SOX5: variants seen among roughly 807,000 people sequenced by gnomAD.
The protein encoded by SOX5 is transcription factor SOX-5.
Under a neutral mutation model 92.0 loss-of-function variants are expected in SOX5, and 9 were observed. The observed-to-expected ratio is 0.10, with a 90% CI of 0.06 to 0.17. The LOEUF is 0.17. Ranked by LOEUF, SOX5 falls within the 10% of genes least tolerant of loss-of-function variation. The pLI, the probability that SOX5 is intolerant of heterozygous loss-of-function variation, is 1.00. For missense variants in SOX5, 642 were observed against 944.5 expected (o/e 0.68, Z 4.20); for synonymous variants, 344 against 336.3 (o/e 1.02, Z -0.25).
At chr12:24,079,466 T>A (rs923783664) in intron 4 of SOX5, among the ~76,000 whole-genome samples, 1 of 152,066 alleles carries the variant, frequency 6.6e-6, no homozygotes, top group Non-Finnish European at 1.5e-5. Context: ...TAGTACATTT[T>A]TGCATATTTC....
intron 1 of SOX5, among the ~76,000 whole-genome samples, chr12:24,533,524 G>A (rs905861342): frequency 6.6e-6 from 1 of 152,116 alleles, no homozygotes; most frequent in African/African-American, 2.4e-5. Flanking sequence ...GATAAAGAAG[G>A]TATGTTGTTT....
intron 3 of SOX5, among the ~76,000 whole-genome samples, chr12:24,274,848 C>T (rs927469066): frequency 3.3e-5 from 5 of 152,138 alleles, no homozygotes; most frequent in Non-Finnish European, 7.4e-5. Flanking sequence ...TCCACTTATA[C>T]ACAAGTTGTG....
Position 24,520,810 on chromosome 12 carries a change from C to T in SOX5, c.-251+41519G>A, listed in dbSNP as rs77909057. Among the ~76,000 whole-genome samples the T allele has an allele frequency of 7.0e-3, 1,069 of 152,242 alleles. 18 individuals are homozygous for T. Among genetic ancestry groups the T allele is most frequent in the African/African-American group, 0.023 (962 of 41,558 alleles). Reference sequence around the variant, plus strand: ...AAAGGATGGGAAAAGGAATTTCGTGCAAATGGCAACCGAAAGAAAGCAGAG... The same window carrying T: ...AAAGGATGGGAAAAGGAATTTCGTGTAAATGGCAACCGAAAGAAAGCAGAG... On this transcript the variant is annotated intron_variant, in intron 1 of 4. Coordinates refer to the SOX5 transcript ENST00000446891.
At chr12:24,077,772 C>CATATATATATATAT (rs35914700) in intron 4 of SOX5, among the ~76,000 whole-genome samples, 7 of 116,912 alleles carry the variant, frequency 6.0e-5, no homozygotes, top group Non-Finnish European at 8.9e-5. Context: ...AAGGTATTTT[C>CATATATATATATAT]ATATATATAT....
chr12:23,563,398 A>C lies in SOX5; in HGVS notation c.1348T>G (p.Leu450Val). 6.2e-7 allele frequency: 1 copy of C among 1,613,846 alleles called. No individual in the cohort carries two copies. Among genetic ancestry groups the C allele is most frequent in the Non-Finnish European group, 8.5e-7 (1 of 1,179,788 alleles). Reference protein sequence around the residue: ...PSARVSTIGYLNDHDAVTKAI... With the variant: ...PSARVSTIGYVNDHDAVTKAI... Reference sequence around the variant, plus strand: ...TTGGTGACAGCATCATGGTCATTTAAGTAACCTGAACATGAGACAGATCAA... The same window carrying C: ...TTGGTGACAGCATCATGGTCATTTACGTAACCTGAACATGAGACAGATCAA... Residue 450 changes from leucine to valine, a missense_variant, in exon 11 of 15, where the codon TTA (leucine) becomes GTA (valine). Leu to Val is a conservative substitution (Grantham distance 32). Coordinates refer to ENST00000451604, the MANE Select transcript of SOX5 (RefSeq NM_006940.6).
chr12:23,776,159 C>T (rs138724548), intron 3 of SOX5, among the ~76,000 whole-genome samples: 49 of 152,242 alleles, frequency 3.2e-4, no homozygotes, highest in Admixed American at 9.8e-4. Flanking sequence ...AATTACAAAT[C>T]GATGAACTTA....
chr12:23,950,609 G>A (rs966643353), upstream of SOX5, among the ~76,000 whole-genome samples: 6 of 152,208 alleles, frequency 3.9e-5, no homozygotes, highest in Non-Finnish European at 7.3e-5. Flanking sequence ...AAACTGTCCT[G>A]TTTGGGATCG....
In SOX5 at chr12:23,694,195, C is replaced by A. The variant is rs138284779; in HGVS notation, c.811-28631G>T. Among the ~76,000 whole-genome samples the A allele has an allele frequency of 5.3e-3, 810 of 152,202 alleles. 6 individuals are homozygous for A. The highest frequency in any genetic ancestry group is 0.018 in the African/African-American group (764 of 41,524). On this transcript the variant is annotated intron_variant, in intron 6 of 14. Transcript: ENST00000451604. ...TTTTAAGATCATGTCCTTTGGTATT[C>A]TGCATCTTTAAACAACCTGTCTATG... is the stretch of plus-strand genomic sequence containing the variant.
intron 1 of SOX5, among the ~76,000 whole-genome samples, chr12:23,942,971 T>C (rs1218006462): frequency 1.3e-5 from 2 of 152,146 alleles, no homozygotes; most frequent in African/African-American, 4.8e-5. Context: ...TTTCAACGGA[T>C]TTGCTGCCAG....
chr12:23,565,902 G>A (rs999806287), intron 10 of SOX5, among the ~76,000 whole-genome samples: 4 of 152,186 alleles, frequency 2.6e-5, no homozygotes, highest in Admixed American at 1.3e-4. Context: ...TGCTGACTCC[G>A]TCTCCCTCAG....
At chr12:24,476,605 G>A (rs924889525) in intron 1 of SOX5, among the ~76,000 whole-genome samples, 1 of 152,164 alleles carries the variant, frequency 6.6e-6, no homozygotes, top group Non-Finnish European at 1.5e-5. Context: ...AACTGAAAGA[G>A]GCTGAGACTC....
chr12:24,316,052 C>T (rs894187473), intron 2 of SOX5, among the ~76,000 whole-genome samples: 4 of 152,210 alleles, frequency 2.6e-5, no homozygotes, highest in African/African-American at 9.6e-5. Context: ...GTAGCCTCTG[C>T]AGGCACAGCC....
In SOX5 at chr12:24,055,758, A is replaced by G. The variant is rs139917236; in HGVS notation, c.-2+157585T>C. Among the ~76,000 whole-genome samples, 6 of 152,380 alleles carry G rather than the reference A, an allele frequency of 3.9e-5. No homozygotes were observed. The East Asian group carries it at 1.2e-3, about 29-fold the overall frequency. Reference sequence around the variant, plus strand: ...TTAAACAATGAAAAGAAAAAAAAGTACAATGACATTTTAAACAATGAAAAG... The same window carrying G: ...TTAAACAATGAAAAGAAAAAAAAGTGCAATGACATTTTAAACAATGAAAAG... On this transcript the variant is annotated intron_variant, in intron 4 of 4. Transcript: ENST00000446891.
At chr12:23,782,478 G>C (rs981944895) in intron 3 of SOX5, among the ~76,000 whole-genome samples, 3 of 152,108 alleles carry the variant, frequency 2.0e-5, no homozygotes, top group Non-Finnish European at 4.4e-5. Flanking sequence ...AAGTCAGGGA[G>C]AAAGTTCCAA....
intron 6 of SOX5, among the ~76,000 whole-genome samples, chr12:23,687,013 G>T (rs2087721462): frequency 6.6e-6 from 1 of 152,026 alleles, no homozygotes; most frequent in African/African-American, 2.4e-5. Flanking sequence ...AACTCAGTTT[G>T]CTACTAAAGA....
chr12:24,099,661 G>A (rs1349657771), intron 4 of SOX5, among the ~76,000 whole-genome samples: 1 of 152,064 alleles, frequency 6.6e-6, no homozygotes, highest in African/African-American at 2.4e-5. Context: ...GGGGATCTGG[G>A]TAGCATAACA....
At chr12:24,243,188 C>T (rs1158220095) in intron 3 of SOX5, among the ~76,000 whole-genome samples, 1 of 152,118 alleles carries the variant, frequency 6.6e-6, no homozygotes, top group Non-Finnish European at 1.5e-5. Flanking sequence ...GGAACCCTAG[C>T]TCATTTACCT....
At chr12:24,476,353 G>A (rs1945376576) in intron 1 of SOX5, among the ~76,000 whole-genome samples, 1 of 152,124 alleles carries the variant, frequency 6.6e-6, no homozygotes, top group Admixed American at 6.6e-5. Flanking sequence ...AAATGTGAAG[G>A]AAAAACTGGC....
At chr12:23,724,384 T>C (rs577488453) in intron 6 of SOX5, among the ~76,000 whole-genome samples, 1 of 152,304 alleles carries the variant, frequency 6.6e-6, no homozygotes, top group Non-Finnish European at 1.5e-5. Context: ...AGATGACCTC[T>C]GTAAAATGCC....
Sources: gnomAD v4.1 joint callset for allele counts (sites outside exome capture counted in the v4.1 genomes callset) on GRCh38, gnomAD v4.1.1 for gene constraint, MANE v1.5 for transcripts, NCBI Gene and HGNC (gene_info 2026-07-23, HGNC 2026-07-21) for gene names.